DMXL1: variants seen among roughly 807,000 people sequenced by gnomAD.
The protein encoded by DMXL1 is dmX-like protein 1.
In DMXL1, 99 loss-of-function variants were observed where a neutral mutation model predicts 319.2. The ratio of observed to expected loss-of-function variants is 0.31; its 90% CI spans 0.26 to 0.37. The LOEUF (loss-of-function observed/expected upper bound fraction) is 0.37. Among genes scored for constraint, DMXL1 ranks in the 10% least tolerant of loss-of-function variants. The pLI is 1.00. For missense variants in DMXL1, 3,745 were observed against 3,595.6 expected, an observed-to-expected ratio of 1.04 and a Z score of -1.06; for synonymous variants, 1,385 against 1,235.2, an observed-to-expected ratio of 1.12 and a Z score of -2.54.
At chr5:119,223,764 G>T (rs1302010264) in intron 37 of DMXL1, among the ~76,000 whole-genome samples, 4 of 151,588 alleles carry the variant, frequency 2.6e-5, no homozygotes, top group African/African-American at 9.7e-5. Flanking sequence ...TTTTACGTAT[G>T]GTTCTCCTGT....
At position 119,193,690 on chromosome 5, in the gene DMXL1, G is replaced by C. The variant is rs892099306; in HGVS notation, c.7315-138G>C. The C allele has an allele frequency of 2.2e-5, 19 of 849,772 alleles. No individual in the cohort carries two copies. The African/African-American group carries it at 2.6e-4, about 12-fold the overall frequency. The allele number at this position is 849,772 out of a possible 1,614,324, so 52.6% of individuals were successfully genotyped here. On this transcript the variant is annotated intron_variant, in intron 29 of 43. Coordinates refer to ENST00000539542, the MANE Select transcript of DMXL1 (RefSeq NM_001290321.3). ...AGTATCAATTGATGTCAAAGGCATA[G>C]GATGGTAAGATAATAGTTACTTAAC...
At chr5:119,168,464 T>G (rs937982712) in intron 23 of DMXL1, among the ~76,000 whole-genome samples, 1 of 152,206 alleles carries the variant, frequency 6.6e-6, no homozygotes, top group African/African-American at 2.4e-5. Flanking sequence ...TTGAATTGTG[T>G]TTGGTAGCTG....
intron 35 of DMXL1, among the ~76,000 whole-genome samples, chr5:119,219,142 A>G (rs1377492958): frequency 6.6e-6 from 1 of 152,208 alleles, no homozygotes; most frequent in African/African-American, 2.4e-5. Flanking sequence ...TGCCTGAGCC[A>G]CAATTTCCAG....
Position 119,170,756 on chromosome 5 carries a change from T to A in DMXL1, c.5965T>A (p.Leu1989Ile). The A allele has an allele frequency of 6.2e-7, 1 of 1,612,430 alleles. No individual in the cohort carries two copies. Among genetic ancestry groups the A allele is most frequent in the Non-Finnish European group, 8.5e-7 (1 of 1,179,682 alleles). ...VPISMKELKP[L>I]QRKTDKKLDD... ...TATTTCAATGAAAGAACTAAAACCTTTACAGAGAAAAACAGATAAAAAGTT... is the reference window on the plus strand; with the variant it reads ...TATTTCAATGAAAGAACTAAAACCTATACAGAGAAAAACAGATAAAAAGTT... Residue 1989 changes from leucine to isoleucine, a missense_variant, in exon 24 of 44, where the codon TTA becomes ATA. By Grantham distance (5) the Leu-to-Ile change is conservative. Coordinates refer to ENST00000539542, the MANE Select transcript of DMXL1 (RefSeq NM_001290321.3).
intron 28 of DMXL1, among the ~76,000 whole-genome samples, chr5:119,188,394 C>G (rs145462798): frequency 6.6e-6 from 1 of 152,022 alleles, no homozygotes; most frequent in African/African-American, 2.4e-5. Flanking sequence ...ATAAGGAGAC[C>G]TCCATCTCTT....
At chr5:119,123,248 C>T (rs945021353) in intron 9 of DMXL1, among the ~76,000 whole-genome samples, 24 of 150,472 alleles carry the variant, frequency 1.6e-4, no homozygotes, top group Non-Finnish European at 2.5e-4. Flanking sequence ...GCCGAGATGG[C>T]GGCAGTACAG....
intron 42 of DMXL1, among the ~76,000 whole-genome samples, chr5:119,243,636 C>T (rs552765596): frequency 6.6e-6 from 1 of 152,058 alleles, no homozygotes; most frequent in African/African-American, 2.4e-5. Context: ...GCTGTTAATC[C>T]CATCCAGTTC....
chr5:119,160,138 GAT>G (rs142981852), intron 19 of DMXL1, among the ~76,000 whole-genome samples: 132 of 149,168 alleles, frequency 8.8e-4, no homozygotes, highest in African/African-American at 2.7e-3. Context: ...ATTTGACAGA[GAT>G]ATATATATAT....
intron 34 of DMXL1, among the ~76,000 whole-genome samples, chr5:119,213,731 C>G (rs544928876): frequency 3.0e-4 from 46 of 152,280 alleles, no homozygotes; most frequent in African/African-American, 1.1e-3. Context: ...CACATTCTCT[C>G]TAATTTGGTT....
At chr5:119,128,819 A>G (rs908805294) in intron 9 of DMXL1, among the ~76,000 whole-genome samples, 1 of 152,210 alleles carries the variant, frequency 6.6e-6, no homozygotes, top group Non-Finnish European at 1.5e-5. Flanking sequence ...TAATCCCAGC[A>G]CTTTGGGAGG....
chr5:119,119,376 ACCCAC>A (rs962628266), intron 8 of DMXL1, among the ~76,000 whole-genome samples: 1 of 152,088 alleles, frequency 6.6e-6, no homozygotes. Context: ...TCTTTAGAAA[ACCCAC>A]CCCACCCCCA....
chr5:119,169,237 C>T (rs1043000795), intron 23 of DMXL1, among the ~76,000 whole-genome samples: 1 of 152,132 alleles, frequency 6.6e-6, no homozygotes, highest in African/African-American at 2.4e-5. Flanking sequence ...TGATTTGGGA[C>T]TAGTACATTT....
At position 119,247,937 on chromosome 5, in the gene DMXL1, A is replaced by G. The variant is rs576492702; in HGVS notation, c.*718A>G. The G allele has an allele frequency of 1.2e-3, 180 of 151,784 alleles. 1 individual carries two copies. Among genetic ancestry groups the G allele is most frequent in the African/African-American group, 3.9e-3 (162 of 41,392 alleles). The allele number at this position is 151,784 out of a possible 1,614,324, so 9.4% of individuals were successfully genotyped here. A position where few individuals can be genotyped will look rare whatever the true frequency, so the allele number is the denominator to read the frequency against. On this transcript the variant is annotated 3_prime_UTR_variant, in exon 44 of 44. Coordinates refer to ENST00000539542, the MANE Select transcript of DMXL1 (RefSeq NM_001290321.3). ...GCCACCAGAATAACTTTTTTTTTGC[A>G]ACTGTGCTTTTCATTTTTAAAAAAT...
chr5:119,133,035 A>T (rs114320670), intron 10 of DMXL1, 97 bp from the exon 11 acceptor site: 70,131 of 1,357,228 alleles, frequency 0.052, 2,113 homozygotes, highest in South Asian at 0.066. Context: ...TAGGCATGAG[A>T]TCTCCATGTG....
chr5:119,149,346 A>C lies in DMXL1; in HGVS notation c.3519A>C (p.Gln1173His). 1 of 1,613,974 alleles carries C rather than the reference A, an allele frequency of 6.2e-7. No individual in the cohort carries two copies. The highest frequency in any genetic ancestry group is 8.5e-7 in the Non-Finnish European group (1 of 1,179,894). Reference sequence around the variant, plus strand: ...ATGGACCCCTGGCTGGCAAGGTACAAGACCAAACTGGTAAGGAAACCCTGG... The same window carrying C: ...ATGGACCCCTGGCTGGCAAGGTACACGACCAAACTGGTAAGGAAACCCTGG... ...FMYGPLAGKV[Q>H]DQTGKETLAF... Residue 1173 changes from glutamine to histidine, a missense_variant, in exon 18 of 44, where the codon CAA becomes CAC. Around this residue, in one of 4 missense-constraint regions of DMXL1, gnomAD observed 2,096 missense variants for 1,985.4 expected, o/e 1.06. Transcript: ENST00000539542.
In DMXL1 at chr5:119,133,921, T is replaced by C. The variant is rs767880051; in HGVS notation, c.1997T>C (p.Val666Ala). Reference sequence around the variant, plus strand: ...CATAATGCATTAAGGACACCAGATGTTGATAACCCAGAGCAACCTTTTGAT... The same window carrying C: ...CATAATGCATTAAGGACACCAGATGCTGATAACCCAGAGCAACCTTTTGAT... Reference protein sequence around the residue: ...SHHNALRTPDVDNPEQPFDAL... With the variant: ...SHHNALRTPDADNPEQPFDAL... Residue 666 changes from valine (V) to alanine (A), a missense_variant, in exon 12 of 44, where the codon GTT becomes GCT. By Grantham distance (64) the Val-to-Ala change is moderately conservative. Around this residue, in one of 4 missense-constraint regions of DMXL1, gnomAD observed 2,096 missense variants for 1,985.4 expected, o/e 1.06. Transcript: ENST00000539542. The C allele has an allele frequency of 1.9e-6, 3 of 1,614,164 alleles. No individual in the cohort carries two copies. Among genetic ancestry groups the C allele is most frequent in the Non-Finnish European group, 2.5e-6 (3 of 1,180,024 alleles).
intron 1 of DMXL1, among the ~76,000 whole-genome samples, chr5:119,086,225 C>T (rs183940255): frequency 1.8e-3 from 268 of 152,206 alleles, no homozygotes; most frequent in Non-Finnish European, 2.8e-3. Flanking sequence ...TATTCACTAC[C>T]GTGAAAACAG....
intron 4 of DMXL1, among the ~76,000 whole-genome samples, chr5:119,106,274 A>G (rs1161394452): frequency 6.6e-6 from 1 of 152,228 alleles, no homozygotes; most frequent in East Asian, 1.9e-4. Flanking sequence ...AGGAAGTCCC[A>G]GAATGTTATT....
rs370468993 is a variant in DMXL1 at position 119,149,326 on chromosome 5, C to T, written c.3499C>T (p.Pro1167Ser). 3.4e-5 allele frequency: 55 copies of T among 1,613,792 alleles called. No individual in the cohort carries two copies. Among genetic ancestry groups the T allele is most frequent in the Non-Finnish European group, 1.3e-5 (15 of 1,179,888 alleles). ...TGGATCAAAACTTTTTATGTATGGA[C>T]CCCTGGCTGGCAAGGTACAAGACCA... ...GIGSKLFMYG[P>S]LAGKVQDQTG... The change falls in exon 18 of 44, where the codon CCC (proline) becomes TCC (serine). Residue 1167 changes from proline (P) to serine (S), a missense_variant. This residue lies in a region of DMXL1 where 2,096 missense variants were observed against 1,985.4 expected (regional missense o/e 1.06). Transcript: ENST00000539542.
Sources: allele counts gnomAD v4.1 joint callset (sites outside exome capture counted in the v4.1 genomes callset), GRCh38; gene constraint gnomAD v4.1.1; regional missense constraint gnomAD v4.1.1; transcripts MANE v1.5; gene names NCBI Gene and HGNC (gene_info 2026-07-23, HGNC 2026-07-21).